SHMT1: variants seen among roughly 807,000 people sequenced by gnomAD.
SHMT1 encodes serine hydroxymethyltransferase 1, also known as serine hydroxymethyltransferase, cytosolic.
Under a neutral mutation model 49.0 loss-of-function variants are expected in SHMT1, and 45 were observed. That is an observed-to-expected ratio of 0.92 (90% CI 0.72 to 1.18). The LOEUF (loss-of-function observed/expected upper bound fraction) is 1.18. SHMT1 is among the 50% of genes most tolerant of loss of function. The pLI, the probability that SHMT1 is intolerant of heterozygous loss-of-function variation, is 0.00. For synonymous variants in SHMT1, 232 were observed against 246.6 expected (o/e 0.94, Z 0.55); for missense variants, 541 against 612.4 (o/e 0.88, Z 1.23).
chr17:18,335,678 G>A lies in SHMT1; in HGVS notation c.815-3C>T, dbSNP rs115557642. ...CTTGGGATCCACACTTTTCACTCCT[G>A]GAGGAAGAAAAACATCACAGTGGGA... On this transcript the variant is annotated splice_region_variant and splice_polypyrimidine_tract_variant and intron_variant, in intron 7 of 11. Coordinates refer to ENST00000316694, the MANE Select transcript of SHMT1 (RefSeq NM_004169.5). 1.2e-3 allele frequency: 1,949 copies of A among 1,602,138 alleles called. 24 individuals carry two copies. In the African/African-American group the frequency reaches 0.019, roughly 15 times the overall value.
At chr17:18,353,017 T>C (rs541405610) in intron 3 of SHMT1, among the ~76,000 whole-genome samples, 3 of 152,298 alleles carry the variant, frequency 2.0e-5, no homozygotes, top group Non-Finnish European at 4.4e-5. Context: ...TTCTCAGTCT[T>C]CTACATAGAG....
At chr17:18,336,979 T>C (rs150681970) in intron 7 of SHMT1, among the ~76,000 whole-genome samples, 15 of 152,184 alleles carry the variant, frequency 9.9e-5, no homozygotes, top group Non-Finnish European at 2.2e-4. Context: ...CCAAGATGCA[T>C]TGAAAGAGAC....
rs1984431631 is a variant in SHMT1, at chr17:18,340,866, C to T, written c.520-53G>A. The stretch of plus-strand genomic sequence containing the variant: ...GGCTGCTTCCTCCAACCACACCTGC[C>T]TCCTGTCCTCCCACTTGAACTGGCT... On this transcript the variant is annotated intron_variant, in intron 5 of 11. Transcript: ENST00000316694. The surrounding 1 kb of genome is among the most constrained non-coding windows in gnomAD (Gnocchi z 4.5). The T allele has an allele frequency of 7.7e-7, 1 of 1,296,872 alleles. No homozygotes were observed. Among genetic ancestry groups the T allele is most frequent in the Admixed American group, 1.9e-5 (1 of 52,322 alleles). The allele number at this position is 1,296,872 out of a possible 1,614,324, so 80.3% of individuals were successfully genotyped here. A position where few individuals can be genotyped will look rare whatever the true frequency, so the allele number is the denominator to read the frequency against.
In SHMT1 at chr17:18,358,346, C is replaced by T. The variant is rs1426912649; in HGVS notation, c.-19-2346G>A. Among the ~76,000 whole-genome samples, 5 of 151,422 alleles carry T rather than the reference C, an allele frequency of 3.3e-5. No homozygotes were observed. In the East Asian group the frequency reaches 5.9e-4, roughly 18 times the overall value. ...CTCTACTAAAAATACAAAAATTAGC[C>T]GGGCGTAGTGGCTCACGCCTGTAAT... is the stretch of plus-strand genomic sequence containing the variant. On this transcript the variant is annotated intron_variant, in intron 1 of 11. Coordinates refer to ENST00000316694, the MANE Select transcript of SHMT1 (RefSeq NM_004169.5).
At chr17:18,338,562 C>A (rs191129483) in intron 7 of SHMT1, among the ~76,000 whole-genome samples, 1 of 152,302 alleles carries the variant, frequency 6.6e-6, no homozygotes, top group Admixed American at 6.5e-5. Context: ...GGGAGGTGTA[C>A]CCAACAGCTC....
In SHMT1 at chr17:18,363,514, C is replaced by G. The variant is rs538428587; in HGVS notation, c.-162G>C. The G allele has an allele frequency of 6.6e-6, 1 of 152,364 alleles. No homozygotes were observed. Among genetic ancestry groups the G allele is most frequent in the Non-Finnish European group, 1.5e-5 (1 of 68,144 alleles). The allele number at this position is 152,364 out of a possible 1,614,324, so 9.4% of individuals were successfully genotyped here. On this transcript the variant is annotated 5_prime_UTR_variant, in exon 1 of 12. Coordinates refer to ENST00000316694, the MANE Select transcript of SHMT1 (RefSeq NM_004169.5). ...CGAACTTGGCGCTGGACCGCTCGAGCTCAGGAAGGTGCACTCTGCGCGCCA... is the reference window on the plus strand; with the variant it reads ...CGAACTTGGCGCTGGACCGCTCGAGGTCAGGAAGGTGCACTCTGCGCGCCA...
At chr17:18,355,224 G>A (rs913117603) in intron 2 of SHMT1, among the ~76,000 whole-genome samples, 1 of 148,962 alleles carries the variant, frequency 6.7e-6, no homozygotes, top group African/African-American at 2.5e-5. Flanking sequence ...CAAAAAATTA[G>A]CCGGGTGTGG....
At chr17:18,349,560 A>G (rs1985460322) in intron 3 of SHMT1, among the ~76,000 whole-genome samples, 1 of 152,036 alleles carries the variant, frequency 6.6e-6, no homozygotes, top group Non-Finnish European at 1.5e-5. Flanking sequence ...TCTACAAAAA[A>G]TTTTACAAAT....
chr17:18,330,503 G>T, intron 10 of SHMT1, 52 bp downstream of exon 10: 1 of 1,303,468 alleles, frequency 7.7e-7, no homozygotes, highest in Non-Finnish European at 1.1e-6. Context: ...ACTTTGGCCA[G>T]AAGAAATGCA....
At chr17:18,360,022 C>T (rs981871260) in intron 1 of SHMT1, among the ~76,000 whole-genome samples, 3 of 151,682 alleles carry the variant, frequency 2.0e-5, no homozygotes, top group Admixed American at 6.6e-5. Flanking sequence ...CCAAGGCGGG[C>T]GGATCACCTG....
At chr17:18,356,935 T>C (rs1006018466) in intron 1 of SHMT1, among the ~76,000 whole-genome samples, 3 of 152,196 alleles carry the variant, frequency 2.0e-5, no homozygotes, top group African/African-American at 7.2e-5. Context: ...AGGTAAGGAC[T>C]GAGTGCTACT....
rs766919447 is a variant in SHMT1, at chr17:18,333,289, C to T, written c.932-1G>A. On this transcript the variant is annotated splice_acceptor_variant, in intron 8 of 11. Coordinates refer to ENST00000316694, the MANE Select transcript of SHMT1 (RefSeq NM_004169.5). LOFTEE classifies it high-confidence loss of function. ...GCTTGCTTCAGTGCCACAGCAACCC[C>T]TGGACAAGAAGAGACAATGGGTCAG... The T allele has an allele frequency of 6.2e-7, 1 of 1,613,146 alleles. No homozygotes were observed. The highest frequency in any genetic ancestry group is 8.5e-7 in the Non-Finnish European group (1 of 1,179,916).
Position 18,340,188 on chromosome 17 carries a change from C to T in SHMT1, c.669G>A (p.Ala223=), listed in dbSNP as rs373978748. The part of the protein sequence containing the change: ...RLRKIADENG[A]YLMADMAHIS... ...TGTGAGCCATGTCCGCCATGAGATA[C>T]GCCCCGTTCTCATCTGCAATCTTCC... Residue 223 remains alanine (A), a synonymous_variant, in exon 7 of 12, where the codon GCG becomes GCA. Coordinates refer to ENST00000316694, the MANE Select transcript of SHMT1 (RefSeq NM_004169.5). This position sits in a 1 kb window ranked among gnomAD's most constrained non-coding sequence, Gnocchi z 4.5. 64 of 1,614,244 alleles carry T rather than the reference C, an allele frequency of 4.0e-5. No individual in the cohort carries two copies. The highest frequency in any genetic ancestry group is 1.6e-4 in the Middle Eastern group (1 of 6,062).
At chr17:18,339,948 T>G in intron 7 of SHMT1, 95 bp downstream of exon 7, 1 of 1,219,896 alleles carries the variant, frequency 8.2e-7, no homozygotes, top group Non-Finnish European at 1.2e-6. Context: ...GGATCCCAGG[T>G]CAGAGTTTTT....
chr17:18,348,582 G>A, intron 3 of SHMT1, 142 bp from the exon 4 acceptor site: 1 of 752,902 alleles, frequency 1.3e-6, no homozygotes. Context: ...TGCAGATGCT[G>A]AAGCCAGCAT....
In SHMT1 at chr17:18,348,375, G is replaced by A. The variant is rs1204021080; in HGVS notation, c.308C>T (p.Ala103Val). The change falls in exon 4 of 12, where the codon GCC (alanine) becomes GTC (valine). Residue 103 changes from alanine to valine, a missense_variant. Transcript: ENST00000316694. ...ETLCQKRALQ[A>V]YKLDPQCWGV... ...CCAGCACTGTGGGTCCAGCTTATAG[G>A]CCTGCAGGGCTCGCTTCTGACAGAG... 3.1e-6 allele frequency: 5 copies of A among 1,613,844 alleles called. No individual in the cohort carries two copies. The African/African-American group carries it at 6.7e-5, about 22-fold the overall frequency.
intron 9 of SHMT1, chr17:18,331,570 CAG>C (rs1383239895): frequency 6.6e-6 from 1 of 152,560 alleles, no homozygotes; most frequent in Non-Finnish European, 1.5e-5. Context: ...CCTCAGATGG[CAG>C]AGTGACAATG....
At chr17:18,352,669 A>C (rs1985841968) in intron 3 of SHMT1, among the ~76,000 whole-genome samples, 1 of 151,704 alleles carries the variant, frequency 6.6e-6, no homozygotes, top group African/African-American at 2.4e-5. Context: ...CTCTACAAAA[A>C]ATTAGCTGGG....
At chr17:18,329,516 CAACTGATTCAGA>C in intron 10 of SHMT1, 128 bp from the exon 11 acceptor site, 1 of 747,988 alleles carries the variant, frequency 1.3e-6, no homozygotes, top group Non-Finnish European at 2.3e-6. Flanking sequence ...GCAAGGAGTA[CAACTGATTCAGA>C]AACTAAAGTA....
Sources: gnomAD v4.1 joint callset for allele counts (sites outside exome capture counted in the v4.1 genomes callset) on GRCh38, gnomAD v4.1.1 for gene constraint, Gnocchi (gnomAD v3.1) non-coding constraint, MANE v1.5 for transcripts, NCBI Gene and HGNC (gene_info 2026-07-23, HGNC 2026-07-21) for gene names.